RELL1: variants seen among roughly 807,000 people sequenced by gnomAD.
The protein encoded by RELL1 is RELT like 1, also known as RELT-like protein 1.
In RELL1, 10 loss-of-function variants were observed where a neutral mutation model predicts 23.0. The ratio of observed to expected loss-of-function variants is 0.43; its 90% CI spans 0.27 to 0.74. The LOEUF is 0.74. Ranked by LOEUF, RELL1 falls within the 30% of genes least tolerant of loss-of-function variation. RELL1 has a pLI of 0.19. For missense variants in RELL1, 315 were observed against 364.4 expected (o/e 0.86, Z 1.10); for synonymous variants, 146 against 146.8 (o/e 0.99, Z 0.04).
chr4:37,664,095 C>G (rs116404026), intron 1 of RELL1, among the ~76,000 whole-genome samples: 4 of 152,018 alleles, frequency 2.6e-5, no homozygotes, highest in African/African-American at 7.3e-5. Context: ...AACAAAAGAT[C>G]GACCGGGCGC....
At chr4:37,597,781 T>G (rs1157524871) in intron 6 of RELL1, among the ~76,000 whole-genome samples, 1 of 152,182 alleles carries the variant, frequency 6.6e-6, no homozygotes, top group African/African-American at 2.4e-5. Flanking sequence ...CTGGGTGCCG[T>G]GGCTCATGCC....
chr4:37,597,039 C>T (rs967795745), intron 6 of RELL1, among the ~76,000 whole-genome samples: 41 of 151,874 alleles, frequency 2.7e-4, no homozygotes, highest in Admixed American at 1.0e-3. Context: ...TGAGTCACCG[C>T]GCCCAGCCCG....
intron 1 of RELL1, among the ~76,000 whole-genome samples, chr4:37,666,870 C>T (rs1721551181): frequency 6.6e-6 from 1 of 152,020 alleles, no homozygotes. Flanking sequence ...CAATTAGTCA[C>T]AGGTTAGGTC....
intron 1 of RELL1, among the ~76,000 whole-genome samples, chr4:37,663,645 A>T (rs1721428663): frequency 6.6e-6 from 1 of 152,210 alleles, no homozygotes; most frequent in Non-Finnish European, 1.5e-5. Context: ...GCAGATGAGG[A>T]AAATGAGGCA....
At chr4:37,586,603 C>T (rs1718350905), downstream of RELL1, among the ~76,000 whole-genome samples, 1 of 152,156 alleles carries the variant, frequency 6.6e-6, no homozygotes, top group South Asian at 2.1e-4. Context: ...TTACTACGAA[C>T]TTAGAGGTTT....
At position 37,638,592 on chromosome 4, in the gene RELL1, T is replaced by C; in HGVS notation, c.386-88A>G. On this transcript the variant is annotated intron_variant, in intron 3 of 6. Transcript: ENST00000454158. ...GAAAAGCTGTTGAAAACACATCTAA[T>C]TCCATTCTTTCAGTTCATAGATGAA... The C allele has an allele frequency of 4.1e-6, 4 of 987,166 alleles. No homozygotes were observed. In the South Asian group the frequency reaches 6.5e-5, roughly 16 times the overall value. 61.2% of individuals were successfully genotyped at this position (987,166 alleles called of 1,614,324 possible). A position where few individuals can be genotyped will look rare whatever the true frequency, so the allele number is the denominator to read the frequency against.
chr4:37,662,294 C>T (rs1470537116), intron 1 of RELL1, among the ~76,000 whole-genome samples: 1 of 152,142 alleles, frequency 6.6e-6, no homozygotes, highest in African/African-American at 2.4e-5. Context: ...TTTCAACTTA[C>T]AATCTACTTA....
At chr4:37,602,448 C>G (rs935501296) in intron 6 of RELL1, among the ~76,000 whole-genome samples, 5 of 150,796 alleles carry the variant, frequency 3.3e-5, no homozygotes, top group Non-Finnish European at 7.4e-5. Flanking sequence ...CCATGGGAAC[C>G]CTCATGGGCT....
chr4:37,669,188 G>T (rs954881584), intron 1 of RELL1, among the ~76,000 whole-genome samples: 2 of 137,140 alleles, frequency 1.5e-5, no homozygotes, highest in African/African-American at 6.3e-5. Context: ...AGGTGGGGGG[G>T]GGGGTCAGCC....
At chr4:37,587,363 T>C (rs975121922), downstream of RELL1, among the ~76,000 whole-genome samples, 6 of 152,136 alleles carry the variant, frequency 3.9e-5, no homozygotes, top group African/African-American at 1.4e-4. Flanking sequence ...GGGATTAGGA[T>C]GTGGATATCT....
chr4:37,618,279 T>C (rs979712729), intron 6 of RELL1, among the ~76,000 whole-genome samples: 2 of 152,134 alleles, frequency 1.3e-5, no homozygotes, highest in South Asian at 2.1e-4. Flanking sequence ...GGCACAATCA[T>C]GGCTTGCTGG....
At chr4:37,665,468 C>T (rs939946985) in intron 1 of RELL1, 2 of 360,266 alleles carry the variant, frequency 5.6e-6, no homozygotes, top group African/African-American at 2.1e-5. Flanking sequence ...CACAGGACTC[C>T]AATTCATCCC....
chr4:37,658,425 T>C (rs540498254), intron 1 of RELL1, among the ~76,000 whole-genome samples: 1 of 152,258 alleles, frequency 6.6e-6, no homozygotes, highest in Admixed American at 6.5e-5. Flanking sequence ...ACCACAACTA[T>C]GGAGCATGTA....
downstream of RELL1, among the ~76,000 whole-genome samples, chr4:37,589,563 T>G (rs2109462641): frequency 6.6e-6 from 1 of 152,310 alleles, no homozygotes; most frequent in Non-Finnish European, 1.5e-5. Context: ...TATGAACCAC[T>G]TTGTATTTTA....
Position 37,686,266 on chromosome 4 carries a change from C to A in RELL1, c.22G>T (p.Gly8Trp). Reference sequence around the variant, plus strand: ...ACAGCAGCGGCTAGGACGGCGGACCCCGGGAGTGCCCGCGGAGCCATCGCC... The same window carrying A: ...ACAGCAGCGGCTAGGACGGCGGACCACGGGAGTGCCCGCGGAGCCATCGCC... The part of the protein sequence containing the change: MAPRALP[G>W]SAVLAAAVFV... The change falls in exon 1 of 7, where the codon GGG (glycine) becomes TGG (tryptophan). Residue 8 changes from glycine to tryptophan, a missense_variant. Gly to Trp is a radical substitution (Grantham distance 184). Transcript: ENST00000454158. The A allele has an allele frequency of 6.5e-7, 1 of 1,548,998 alleles. No homozygotes were observed.
chr4:37,645,831 A>G (rs865940141), intron 3 of RELL1, among the ~76,000 whole-genome samples: 2 of 152,374 alleles, frequency 1.3e-5, no homozygotes, highest in Middle Eastern at 3.4e-3. Context: ...AACAGCAATG[A>G]AAATTATGCT....
chr4:37,612,333 A>C lies in RELL1; in HGVS notation c.*1013T>G, dbSNP rs985462989. Among the ~76,000 whole-genome samples the C allele has an allele frequency of 5.0e-4, 12 of 24,158 alleles. No homozygotes were observed. Among genetic ancestry groups the C allele is most frequent in the East Asian group, 2.0e-3 (4 of 2,014 alleles). The allele number at this position is 24,158 out of a possible 152,430, so 15.8% of individuals were successfully genotyped here. A position where few individuals can be genotyped will look rare whatever the true frequency, so the allele number is the denominator to read the frequency against. On this transcript the variant is annotated 3_prime_UTR_variant, in exon 7 of 7. Coordinates refer to ENST00000454158, the MANE Select transcript of RELL1 (RefSeq NM_001085400.2). ...GCTCAGCTAAAGGTTAAAAAAAAAA[A>C]AAAAACAAAAAAAAACAAAAAACCG...
intron 6 of RELL1, among the ~76,000 whole-genome samples, chr4:37,628,005 G>C (rs891967846): frequency 3.3e-5 from 5 of 152,114 alleles, no homozygotes; most frequent in African/African-American, 1.2e-4. Flanking sequence ...ATCAAGTCAT[G>C]TTAAATGTCC....
At chr4:37,628,040 G>A (rs1006994320) in intron 6 of RELL1, among the ~76,000 whole-genome samples, 1 of 152,044 alleles carries the variant, frequency 6.6e-6, no homozygotes, top group Non-Finnish European at 1.5e-5. Flanking sequence ...TTGGGGGGAT[G>A]AGATTTGAAA....
Sources: allele counts gnomAD v4.1 joint callset (sites outside exome capture counted in the v4.1 genomes callset), GRCh38; gene constraint gnomAD v4.1.1; transcripts MANE v1.5; gene names NCBI Gene and HGNC (gene_info 2026-07-23, HGNC 2026-07-21).